Variants in NOL7 observed in about 807,000 individuals in gnomAD.
The protein encoded by NOL7 is U3 small nucleolar RNA-associated protein NOL7.
NOL7 carries 36 observed loss-of-function variants against 38.4 expected under a neutral mutation model. The ratio of observed to expected loss-of-function variants is 0.94; its 90% CI spans 0.72 to 1.24. The LOEUF (loss-of-function observed/expected upper bound fraction) is 1.24, where lower values mean the gene tolerates loss of function less well. Among genes scored for constraint, NOL7 ranks in the 50% most tolerant of loss-of-function variants. NOL7 has a pLI of 0.00. For synonymous variants in NOL7, 142 were observed against 126.5 expected, an observed-to-expected ratio of 1.12 and a Z score of -0.82; for missense variants, 350 against 315.1, an observed-to-expected ratio of 1.11 and a Z score of -0.84.
chr6:13,620,393 A>G lies in NOL7; in HGVS notation c.623-15A>G, dbSNP rs1562291558. 6.2e-7 allele frequency: 1 copy of G among 1,614,016 alleles called. No homozygotes were observed. The highest frequency in any genetic ancestry group is 2.2e-5 in the East Asian group (1 of 44,856). On this transcript the variant is annotated splice_polypyrimidine_tract_variant and intron_variant, in intron 6 of 7. Transcript: ENST00000451315. Reference sequence around the variant, plus strand: ...CAAATAAAACTGTGAAATGATAAATACCTTTCTTTTCTAGTAAATAAGTTC... The same window carrying G: ...CAAATAAAACTGTGAAATGATAAATGCCTTTCTTTTCTAGTAAATAAGTTC...
At chr6:13,622,643 G>C (rs1054261840), downstream of NOL7, 2 of 808,276 alleles carry the variant, frequency 2.5e-6, no homozygotes, top group East Asian at 3.0e-5. Flanking sequence ...GCAAAAGACA[G>C]ATGCCGCCTT....
chr6:13,625,522 A>AT, downstream of NOL7: 1 of 525,048 alleles, frequency 1.9e-6, no homozygotes, highest in Non-Finnish European at 3.3e-6. Context: ...TATTTTAGGT[A>AT]TTTTTATATT....
intron 8 of NOL7, among the ~76,000 whole-genome samples, chr6:13,628,149 G>C (rs536197667): frequency 5.1e-4 from 78 of 152,292 alleles, no homozygotes; most frequent in African/African-American, 1.8e-3. Flanking sequence ...CTATCATCTA[G>C]AGAAGCAAAC....
chr6:13,620,701 A>G (rs770145047), intron 7 of NOL7, 53 bp from the exon 8 acceptor site: 51 of 1,276,876 alleles, frequency 4.0e-5, no homozygotes, highest in Non-Finnish European at 5.3e-5. Context: ...AATTAAAAAA[A>G]TTTTGAATTA....
chr6:13,622,159 AG>A (rs1764468354), downstream of NOL7: 3 of 397,552 alleles, frequency 7.5e-6, no homozygotes, highest in Non-Finnish European at 8.4e-6. Flanking sequence ...GACAACTAAG[AG>A]GTTAAAGATG....
chr6:13,620,844 G>A lies in NOL7; in HGVS notation c.*17G>A. 6.9e-7 allele frequency: 1 copy of A among 1,456,240 alleles called. No individual in the cohort carries two copies. Among genetic ancestry groups the A allele is most frequent in the Non-Finnish European group, 9.5e-7 (1 of 1,051,792 alleles). 90.2% of individuals were successfully genotyped at this position (1,456,240 alleles called of 1,614,324 possible). A position where few individuals can be genotyped will look rare whatever the true frequency, so the allele number is the denominator to read the frequency against. On this transcript the variant is annotated 3_prime_UTR_variant, in exon 8 of 8. Coordinates refer to ENST00000451315, the MANE Select transcript of NOL7 (RefSeq NM_016167.5). ...AAGAAGTAAATCAATGCTAAATGAA[G>A]AATCTGTACTTTGTATGTATAGAAT... is the stretch of plus-strand genomic sequence containing the variant.
intron 8 of NOL7, among the ~76,000 whole-genome samples, chr6:13,627,113 A>G (rs868174803): frequency 6.6e-6 from 1 of 152,128 alleles, no homozygotes; most frequent in African/African-American, 2.4e-5. Context: ...ATTATTTACT[A>G]TACTATTTTG....
chr6:13,621,355 C>T lies in NOL7; in HGVS notation c.*528C>T, dbSNP rs1056577628. ...CACAATATCAGGTCTAACCCTAATC[C>T]AGGGATGCCAGTAAACTGAAGGCAA... On this transcript the variant is annotated 3_prime_UTR_variant, in exon 8 of 8. Coordinates refer to ENST00000451315, the MANE Select transcript of NOL7 (RefSeq NM_016167.5). 2 of 152,484 alleles carry T rather than the reference C, an allele frequency of 1.3e-5. No individual in the cohort carries two copies. The highest frequency in any genetic ancestry group is 4.8e-5 in the African/African-American group (2 of 41,402). 9.4% of individuals were successfully genotyped at this position (152,484 alleles called of 1,614,324 possible).
At chr6:13,625,102 C>T (rs2127758004), downstream of NOL7, among the ~76,000 whole-genome samples, 1 of 152,300 alleles carries the variant, frequency 6.6e-6, no homozygotes, top group East Asian at 1.9e-4. Context: ...TTTTCATTCT[C>T]TCCATCAAAA....
At chr6:13,632,366 T>G (rs1764812843) in intron 8 of NOL7, 3 of 1,607,022 alleles carry the variant, frequency 1.9e-6, no homozygotes, top group Non-Finnish European at 2.5e-6. Flanking sequence ...AAAAATATAT[T>G]CACCTTCAAC....
downstream of NOL7, among the ~76,000 whole-genome samples, chr6:13,622,760 T>TTAA (rs1489553879): frequency 6.6e-6 from 1 of 152,208 alleles, no homozygotes; most frequent in Non-Finnish European, 1.5e-5. Context: ...TACTTCCATA[T>TTAA]TAACTATGAT....
chr6:13,622,240 A>C, downstream of NOL7: 2 of 1,041,560 alleles, frequency 1.9e-6, no homozygotes, highest in Non-Finnish European at 2.5e-6. Flanking sequence ...AAGCAATGTA[A>C]AGCGACAAAA....
chr6:13,618,187 G>C lies in NOL7; in HGVS notation c.500+48G>C, dbSNP rs190938573. On this transcript the variant is annotated intron_variant, in intron 5 of 7. Coordinates refer to ENST00000451315, the MANE Select transcript of NOL7 (RefSeq NM_016167.5). ...TGGGATGTAAAGGAGACCTTTAAGAGAGTTAAAGTATTGGCTAACATGGGA... is the reference window on the plus strand; with the variant it reads ...TGGGATGTAAAGGAGACCTTTAAGACAGTTAAAGTATTGGCTAACATGGGA... 8.3e-6 allele frequency: 6 copies of C among 722,678 alleles called. No homozygotes were observed. In the East Asian group the frequency reaches 1.4e-4, roughly 17 times the overall value. The allele number at this position is 722,678 out of a possible 1,614,324, so 44.8% of individuals were successfully genotyped here.
intron 8 of NOL7, among the ~76,000 whole-genome samples, chr6:13,627,587 GCCA>G (rs1764645400): frequency 7.6e-6 from 1 of 131,986 alleles, no homozygotes; most frequent in East Asian, 2.3e-4. Context: ...CCAAGATCAC[GCCA>G]CTGCACTCCA....
intron 8 of NOL7, among the ~76,000 whole-genome samples, chr6:13,627,927 T>TATGTAACA (rs1245275761): frequency 6.6e-6 from 1 of 152,112 alleles, no homozygotes; most frequent in Non-Finnish European, 1.5e-5. Flanking sequence ...CACGTTTACC[T>TATGTAACA]ATGTAACAAA....
At chr6:13,626,287 CACACCTCTTCAAA>C (rs1248833592), downstream of NOL7, among the ~76,000 whole-genome samples, 3 of 152,182 alleles carry the variant, frequency 2.0e-5, no homozygotes, top group African/African-American at 7.2e-5. Flanking sequence ...TATCTCAAGC[CACACCTCTTCAAA>C]ACTTAAAATG....
chr6:13,627,164 A>G (rs1024158773), intron 8 of NOL7, among the ~76,000 whole-genome samples: 1 of 152,242 alleles, frequency 6.6e-6, no homozygotes, highest in Admixed American at 6.5e-5. Context: ...CAGGAAGATA[A>G]TTCATATGCC....
downstream of NOL7, chr6:13,621,753 A>G (rs1454064652): frequency 5.2e-5 from 8 of 152,664 alleles, no homozygotes; most frequent in Admixed American, 5.2e-4. Flanking sequence ...ACAAAGTTGA[A>G]AAAGACCATG....
chr6:13,619,207 T>C (rs1764371526), intron 5 of NOL7, among the ~76,000 whole-genome samples: 1 of 152,246 alleles, frequency 6.6e-6, no homozygotes, highest in African/African-American at 2.4e-5. Context: ...TCACCACTAT[T>C]GCCAGTCATG....
Sources: allele counts gnomAD v4.1 joint callset (sites outside exome capture counted in the v4.1 genomes callset), GRCh38; gene constraint gnomAD v4.1.1; transcripts MANE v1.5; gene names NCBI Gene and HGNC (gene_info 2026-07-23, HGNC 2026-07-21).